TTN: variants seen among roughly 807,000 people sequenced by gnomAD.
TTN encodes the protein titin, also known as connectin.
In TTN, 1,525 loss-of-function variants were observed where a neutral mutation model predicts 3,223.0. That is an observed-to-expected ratio of 0.47 (90% CI 0.45 to 0.49). The LOEUF (loss-of-function observed/expected upper bound fraction) is 0.49, where lower values mean the gene tolerates loss of function less well. TTN is among the 20% of genes least tolerant of loss of function. The probability of loss-of-function intolerance (pLI) is 0.00; values close to 1 mark genes in which losing one functional copy is unlikely to be tolerated. For missense variants in TTN, 40,786 were observed against 43,424.0 expected (o/e 0.94, Z 5.40); for synonymous variants, 14,094 against 15,161.0 (o/e 0.93, Z 5.17).
Position 178,554,250 on chromosome 2 carries a change from A to G in TTN, c.88895-34T>C, listed in dbSNP as rs766109358. On this transcript the variant is annotated intron_variant, in intron 332 of 362. Coordinates refer to ENST00000589042, the MANE Select transcript of TTN (RefSeq NM_001267550.2). ...AAAGGAAGGGAAAACAAGGTACAAG[A>G]ATCCACATTACTGATAAATTATACC... is the stretch of plus-strand genomic sequence containing the variant. The G allele has an allele frequency of 3.3e-6, 5 of 1,531,564 alleles. No homozygotes were observed. In the South Asian group the frequency reaches 5.1e-5, roughly 16 times the overall value. The allele number at this position is 1,531,564 out of a possible 1,614,324, so 94.9% of individuals were successfully genotyped here.
chr2:178,721,774 C>A, intron 78 of TTN, 73 bp downstream of exon 78: 5 of 1,413,682 alleles, frequency 3.5e-6, no homozygotes, highest in South Asian at 1.9e-5. Flanking sequence ...ATTTAAAAAC[C>A]AAAGAAACTT....
rs747741123 is a variant in TTN at position 178,728,352 on chromosome 2, T to C, written c.19472A>G (p.Asp6491Gly). The part of the protein sequence containing the change: ...PSFTKKLTKM[D>G]KVLGSSIHME... ...ATGAATAGAAGAGCCCAGAACTTTA[T>C]CCATTTTGGTTAATTTTTTGGTGAA... Residue 6491 changes from aspartate to glycine, a missense_variant, in exon 67 of 363, where the codon GAT (aspartate) becomes GGT (glycine). Physicochemically the swap from Asp to Gly is moderately conservative, Grantham distance 94. Coordinates refer to ENST00000589042, the MANE Select transcript of TTN (RefSeq NM_001267550.2). 3 of 1,606,050 alleles carry C rather than the reference T, an allele frequency of 1.9e-6. No homozygotes were observed. Among genetic ancestry groups the C allele is most frequent in the Admixed American group, 1.7e-5 (1 of 58,700 alleles).
rs372745397 is a variant in TTN, at chr2:178,590,328, A to G, written c.61397T>C (p.Ile20466Thr). 1.9e-6 allele frequency: 3 copies of G among 1,570,810 alleles called. No individual in the cohort carries two copies. The highest frequency in any genetic ancestry group is 1.8e-5 in the Admixed American group (1 of 55,402). The change falls in exon 304 of 363, where the codon ATT becomes ACT. Residue 20466 changes from isoleucine to threonine, a missense_variant. Transcript: ENST00000589042. ...GEPRELAESVIAKDILHPPEV... is the reference protein window; with the variant it reads ...GEPRELAESVTAKDILHPPEV... The stretch of plus-strand genomic sequence containing the variant: ...TGGAGGATGAAGGATATCTTTTGCA[A>G]TCACAGATTCTGCTAGTTCTCTTGG...
At chr2:178,746,716 T>G (rs1241160134) in intron 47 of TTN, 1 of 1,613,486 alleles carries the variant, frequency 6.2e-7, no homozygotes, top group Middle Eastern at 1.7e-4. Flanking sequence ...CCATTTTGAT[T>G]CTTTCATCTG....
Position 178,695,605 on chromosome 2 carries a change from G to C in TTN, c.31208-195C>G, listed in dbSNP as rs1168317673. Among the ~76,000 whole-genome samples, 3 of 151,946 alleles carry C rather than the reference G, an allele frequency of 2.0e-5. 1 individual carries two copies. The highest frequency in any genetic ancestry group is 1.3e-4 in the Admixed American group (2 of 15,240). On this transcript the variant is annotated intron_variant, in intron 114 of 362. Coordinates refer to ENST00000589042, the MANE Select transcript of TTN (RefSeq NM_001267550.2). ...GCAGAGATGCAACAAGGCAGTAAAA[G>C]TAAAACTTGAACTTCTGCATTAGAA...
intron 265 of TTN, 68 bp downstream of exon 265, chr2:178,612,705 T>C (rs2056567454): frequency 6.5e-7 from 1 of 1,542,768 alleles, no homozygotes; most frequent in Non-Finnish European, 8.7e-7. Flanking sequence ...TTTCATATTT[T>C]CTCATATCGT....
rs764785148 is a variant in TTN at position 178,704,132 on chromosome 2, T to C, written c.30223+15A>G. ...CTATGCTGTACCCACAAGGACTCCA[T>C]AGTGTTTCACGCACCTTCGATTCTG... On this transcript the variant is annotated intron_variant, in intron 106 of 362. Coordinates refer to ENST00000589042, the MANE Select transcript of TTN (RefSeq NM_001267550.2). The C allele has an allele frequency of 2.5e-6, 4 of 1,612,404 alleles. No homozygotes were observed. Among genetic ancestry groups the C allele is most frequent in the Middle Eastern group, 1.6e-4 (1 of 6,082 alleles).
rs2060438790 is a variant in TTN at position 178,636,354 on chromosome 2, C to T, written c.41329+44G>A. 6.5e-7 allele frequency: 1 copy of T among 1,537,974 alleles called. No homozygotes were observed. On this transcript the variant is annotated intron_variant, in intron 225 of 362. Coordinates refer to ENST00000589042, the MANE Select transcript of TTN (RefSeq NM_001267550.2). The surrounding 1 kb of genome is among the most constrained non-coding windows in gnomAD (Gnocchi z 4.3). ...TGCAAGTTGCTACTAAGGTTTGTTACATTAAAGTTTAATATAGATTATGTT... is the reference window on the plus strand; with the variant it reads ...TGCAAGTTGCTACTAAGGTTTGTTATATTAAAGTTTAATATAGATTATGTT...
At chr2:178,599,936 G>T in intron 288 of TTN, 86 bp from the exon 289 acceptor site, 1 of 1,304,534 alleles carries the variant, frequency 7.7e-7, no homozygotes, top group South Asian at 1.6e-5. Context: ...AAAGTTGTTT[G>T]GATCCACTGT....
rs1575409242 is a variant in TTN at position 178,543,073 on chromosome 2, G to A, written c.96900C>T (p.Leu32300=). The change falls in exon 347 of 363, where the codon CTC becomes CTT. Residue 32300 remains leucine, a synonymous_variant. Coordinates refer to ENST00000589042, the MANE Select transcript of TTN (RefSeq NM_001267550.2). ...TTTTGGCTATTTGGTACATACCTCT[G>A]AGGTCTTGTACAGTCACGGCTGTGA... ...ETVTAVTVQD[L]RVLPTIDLST... 1 of 1,556,804 alleles carries A rather than the reference G, an allele frequency of 6.4e-7. No individual in the cohort carries two copies. The highest frequency in any genetic ancestry group is 2.3e-5 in the East Asian group (1 of 44,172).
chr2:178,589,384 C>A lies in TTN; in HGVS notation c.62341G>T (p.Val20781Phe). Residue 20781 changes from valine (V) to phenylalanine (F), a missense_variant, in exon 304 of 363, where the codon GTC becomes TTC. By Grantham distance (50) the Val-to-Phe change is conservative. Coordinates refer to ENST00000589042, the MANE Select transcript of TTN (RefSeq NM_001267550.2). ...LDLKLSGVLT[V>F]KAGDTIRLEA... Reference sequence around the variant, plus strand: ...AGCCTAATGGTGTCCCCTGCTTTGACAGTTAGGACCCCACTTAATTTCAGA... The same window carrying A: ...AGCCTAATGGTGTCCCCTGCTTTGAAAGTTAGGACCCCACTTAATTTCAGA... 6.2e-7 allele frequency: 1 copy of A among 1,613,422 alleles called. No homozygotes were observed. Among genetic ancestry groups the A allele is most frequent in the South Asian group, 1.1e-5 (1 of 91,068 alleles).
At position 178,584,954 on chromosome 2, in the gene TTN, G is replaced by C. The variant is rs72646860; in HGVS notation, c.64687C>G (p.Pro21563Ala). The C allele has an allele frequency of 1.4e-5, 22 of 1,613,028 alleles. No homozygotes were observed. The highest frequency in any genetic ancestry group is 3.3e-4 in the Middle Eastern group (2 of 6,072). ...KVVVMDAPGP[P>A]QPPFDISDID... Reference sequence around the variant, plus strand: ...TCAGAAATGTCAAATGGAGGCTGAGGGGGGCCGGGGGCATCTACATGAACC... The same window carrying C: ...TCAGAAATGTCAAATGGAGGCTGAGCGGGGCCGGGGGCATCTACATGAACC... The change falls in exon 310 of 363, where the codon CCT (proline) becomes GCT (alanine). Residue 21563 changes from proline to alanine, a missense_variant. Physicochemically the swap from Pro to Ala is conservative, Grantham distance 27. Coordinates refer to ENST00000589042, the MANE Select transcript of TTN (RefSeq NM_001267550.2).
chr2:178,605,504 G>C lies in TTN; in HGVS notation c.53791C>G (p.Gln17931Glu), dbSNP rs759208053. Residue 17931 changes from glutamine to glutamate, a missense_variant, in exon 279 of 363, where the codon CAA becomes GAA. Transcript: ENST00000589042. ...SFLVENLDEH[Q>E]MYEFRVKAVN... ...GCTTTGACACGGAACTCATACATTT[G>C]GTGTTCATCAAGATTTTCAACCAGA... The C allele has an allele frequency of 6.2e-6, 10 of 1,612,118 alleles. No individual in the cohort carries two copies. In the African/African-American group the frequency reaches 1.3e-4, roughly 22 times the overall value.
Position 178,531,941 on chromosome 2 carries a change from T to C in TTN, c.104674A>G (p.Ser34892Gly), listed in dbSNP as rs377438508. Residue 34892 changes from serine (S) to glycine (G), a missense_variant, in exon 358 of 363, where the codon AGT (serine) becomes GGT (glycine). Coordinates refer to ENST00000589042, the MANE Select transcript of TTN (RefSeq NM_001267550.2). ...TCAAATCTCGAGAGTGATCTCTCAC[T>C]AGACACAGGGCTGGGGGATCGTGGG... ...TRPRSPSPVS[S>G]ERSLSRFERS... 81 of 1,613,426 alleles carry C rather than the reference T, an allele frequency of 5.0e-5. No individual in the cohort carries two copies. The highest frequency in any genetic ancestry group is 6.6e-5 in the Non-Finnish European group (78 of 1,179,728).
At position 178,706,955 on chromosome 2, in the gene TTN, CT is replaced by C. The variant is rs2075975847; in HGVS notation, c.29042-2del. 8.1e-6 allele frequency: 13 copies of C among 1,600,048 alleles called. No individual in the cohort carries two copies. The highest frequency in any genetic ancestry group is 1.1e-5 in the Non-Finnish European group (13 of 1,173,878). ...GTTGCTGGGGCCACAGCTGGTTTGT[CT>C]GAAAAAACATTTACATGTTTTGTTA... On this transcript the variant is annotated splice_acceptor_variant, in intron 100 of 362. Coordinates refer to ENST00000589042, the MANE Select transcript of TTN (RefSeq NM_001267550.2). LOFTEE classifies it high-confidence loss of function.
rs1355907177 is a variant in TTN at position 178,532,484 on chromosome 2, A to T, written c.104131T>A (p.Ser34711Thr). The stretch of plus-strand genomic sequence containing the variant: ...ACCTTGACATGAGCTTGTGGTGAAG[A>T]GTAACGTAGGCTAGAAAGCTCAAAG... Reference protein sequence around the residue: ...PHFELSSLRYSSPQAHVKVEE... With the variant: ...PHFELSSLRYTSPQAHVKVEE... Residue 34711 changes from serine to threonine, a missense_variant, in exon 358 of 363, where the codon TCT becomes ACT. Ser to Thr is a moderately conservative substitution (Grantham distance 58). Transcript: ENST00000589042. The T allele has an allele frequency of 6.2e-7, 1 of 1,614,008 alleles. No individual in the cohort carries two copies. Among genetic ancestry groups the T allele is most frequent in the East Asian group, 2.2e-5 (1 of 44,882 alleles).
rs1055356803 is a variant in TTN at position 178,600,673 on chromosome 2, G to A, written c.56050+181C>T. The A allele has an allele frequency of 6.9e-6, 5 of 719,924 alleles. No homozygotes were observed. In the African/African-American group the frequency reaches 7.0e-5, roughly 10 times the overall value. The allele number at this position is 719,924 out of a possible 1,614,324, so 44.6% of individuals were successfully genotyped here. ...GAACAGGGAAAAGGTAACAGGTAAG[G>A]GAATGTGAAAATTCTGTGGAAATTG... On this transcript the variant is annotated intron_variant, in intron 288 of 362. Coordinates refer to ENST00000589042, the MANE Select transcript of TTN (RefSeq NM_001267550.2).
Position 178,616,204 on chromosome 2 carries a change from T to C in TTN, c.48312+275A>G, listed in dbSNP as rs182476988. On this transcript the variant is annotated intron_variant, in intron 257 of 362. Transcript: ENST00000589042. ...CCACTTCTAGCTTAATGGGTACATATTGGGTACTTAGCAGGTACCAAGTCA... is the reference window on the plus strand; with the variant it reads ...CCACTTCTAGCTTAATGGGTACATACTGGGTACTTAGCAGGTACCAAGTCA... Among the ~76,000 whole-genome samples the C allele has an allele frequency of 5.9e-5, 9 of 152,028 alleles. No homozygotes were observed. Among genetic ancestry groups the C allele is most frequent in the South Asian group, 2.1e-4 (1 of 4,816 alleles).
At chr2:178,529,355 T>C in intron 359 of TTN, 136 bp from the exon 360 acceptor site, 1 of 585,758 alleles carries the variant, frequency 1.7e-6, no homozygotes, top group Non-Finnish European at 2.7e-6. Flanking sequence ...TACCTAATAC[T>C]TTCTCAGTTC....
Sources: gnomAD v4.1 joint callset for allele counts (sites outside exome capture counted in the v4.1 genomes callset) on GRCh38, gnomAD v4.1.1 for gene constraint, Gnocchi (gnomAD v3.1) non-coding constraint, MANE v1.5 for transcripts, NCBI Gene and HGNC (gene_info 2026-07-23, HGNC 2026-07-21) for gene names.